The following NCOA3 variants were observed in gnomAD, a reference collection of about 807,000 sequenced individuals.
The protein encoded by NCOA3 is CBP-interacting protein.
Under a neutral mutation model 158.8 loss-of-function variants are expected in NCOA3, and 51 were observed. That is an observed-to-expected ratio of 0.32 (90% CI 0.26 to 0.41). The LOEUF (loss-of-function observed/expected upper bound fraction) is 0.41, where lower values mean the gene tolerates loss of function less well. NCOA3 is among the 10% of genes least tolerant of loss of function. The pLI is 1.00. For missense variants in NCOA3, 1,510 were observed against 1,746.6 expected (o/e 0.86, Z 2.41); for synonymous variants, 537 against 592.4 (o/e 0.91, Z 1.36).
At chr20:47,637,886 A>T in intron 13 of NCOA3, 103 bp downstream of exon 13, 3 of 1,021,158 alleles carry the variant, frequency 2.9e-6, no homozygotes, top group Non-Finnish European at 4.1e-6. Context: ...AGCATTTATA[A>T]CTTCAGAACA....
At chr20:47,529,363 C>T (rs908591661) in intron 1 of NCOA3, among the ~76,000 whole-genome samples, 1 of 152,132 alleles carries the variant, frequency 6.6e-6, no homozygotes. Flanking sequence ...AGGTGATCCA[C>T]CCACCTTGGC....
At chr20:47,533,104 C>CAAAAAAAAA (rs11344209) in intron 1 of NCOA3, among the ~76,000 whole-genome samples, 1 of 39,716 alleles carries the variant, frequency 2.5e-5, no homozygotes, top group Non-Finnish European at 4.3e-5. Context: ...GACTCTGTCT[C>CAAAAAAAAA]AAAAAAAAAA....
chr20:47,526,431 G>A (rs1024505714), intron 1 of NCOA3, among the ~76,000 whole-genome samples: 17 of 152,286 alleles, frequency 1.1e-4, no homozygotes, highest in African/African-American at 3.6e-4. Context: ...GGAGGTTGTA[G>A]CGAGCCGAGA....
chr20:47,592,097 C>A (rs1380735492), intron 2 of NCOA3, among the ~76,000 whole-genome samples: 1 of 152,164 alleles, frequency 6.6e-6, no homozygotes, highest in African/African-American at 2.4e-5. Context: ...GGCTGGAGTG[C>A]AGTGGTGCTC....
Position 47,622,218 on chromosome 20 carries a change from T to C in NCOA3, c.-19-11T>C. The C allele has an allele frequency of 1.4e-6, 2 of 1,387,288 alleles. No homozygotes were observed. Among genetic ancestry groups the C allele is most frequent in the Non-Finnish European group, 2.0e-6 (2 of 982,906 alleles). 85.9% of individuals were successfully genotyped at this position (1,387,288 alleles called of 1,614,324 possible). On this transcript the variant is annotated splice_polypyrimidine_tract_variant and intron_variant, in intron 2 of 22. Transcript: ENST00000371998. Reference sequence around the variant, plus strand: ...AATGTACTTATCTTATTTCTCATTATTCTCTCTTAGTTGCTGATGTATATT... The same window carrying C: ...AATGTACTTATCTTATTTCTCATTACTCTCTCTTAGTTGCTGATGTATATT...
intron 1 of NCOA3, among the ~76,000 whole-genome samples, chr20:47,505,800 CTTT>C (rs11434305): frequency 4.2e-5 from 5 of 119,154 alleles, no homozygotes; most frequent in Non-Finnish European, 5.0e-5. Context: ...GCATTTTCTC[CTTT>C]TTTTTTTTTT....
At position 47,610,198 on chromosome 20, in the gene NCOA3, C is replaced by T. The variant is rs143748454; in HGVS notation, c.-19-12031C>T. Among the ~76,000 whole-genome samples, 406 of 152,216 alleles carry T rather than the reference C, an allele frequency of 2.7e-3. 1 individual carries two copies. Among genetic ancestry groups the T allele is most frequent in the African/African-American group, 9.4e-3 (389 of 41,520 alleles). ...AAAAGACAAATTCTATTATCAGACA[C>T]ATAACTTCTAGGGATATGGAAACTA... On this transcript the variant is annotated intron_variant, in intron 2 of 22. Transcript: ENST00000371998.
At chr20:47,509,425 A>C (rs1188589014) in intron 1 of NCOA3, among the ~76,000 whole-genome samples, 7 of 152,170 alleles carry the variant, frequency 4.6e-5, no homozygotes, top group African/African-American at 1.7e-4. Context: ...ACTTCATCAC[A>C]GTATATGCTA....
chr20:47,654,631 C>G lies in NCOA3; in HGVS notation c.*1214C>G, dbSNP rs1197779328. On this transcript the variant is annotated 3_prime_UTR_variant, in exon 23 of 23. Coordinates refer to ENST00000371998, the MANE Select transcript of NCOA3 (RefSeq NM_181659.3). ...TTAGATGCCTCGCTCTTTTCAATCTCTTAATCTAAATGCTTTTTAAAGAGA... is the reference window on the plus strand; with the variant it reads ...TTAGATGCCTCGCTCTTTTCAATCTGTTAATCTAAATGCTTTTTAAAGAGA... The G allele has an allele frequency of 2.0e-5, 3 of 152,438 alleles. No individual in the cohort carries two copies. The highest frequency in any genetic ancestry group is 2.9e-5 in the Non-Finnish European group (2 of 68,026). 9.4% of individuals were successfully genotyped at this position (152,438 alleles called of 1,614,324 possible).
chr20:47,543,650 C>G (rs988306454), intron 1 of NCOA3, among the ~76,000 whole-genome samples: 1 of 152,054 alleles, frequency 6.6e-6, no homozygotes, highest in Non-Finnish European at 1.5e-5. Context: ...GCTGGGACTA[C>G]TGGTGCGCAC....
intron 1 of NCOA3, among the ~76,000 whole-genome samples, chr20:47,574,619 A>G (rs904386907): frequency 6.6e-6 from 1 of 152,204 alleles, no homozygotes; most frequent in African/African-American, 2.4e-5. Context: ...TATTTTCCAA[A>G]ATAGGCTTTT....
Position 47,651,464 on chromosome 20 carries a change from T to C in NCOA3, c.3946+188T>C, listed in dbSNP as rs528165642. Reference sequence around the variant, plus strand: ...AGCACACAGGTAATTGAGACAGGTGTATCCTGTCATAGTTGAATATTTTTT... The same window carrying C: ...AGCACACAGGTAATTGAGACAGGTGCATCCTGTCATAGTTGAATATTTTTT... On this transcript the variant is annotated intron_variant, in intron 20 of 22. Coordinates refer to ENST00000371998, the MANE Select transcript of NCOA3 (RefSeq NM_181659.3). Among the ~76,000 whole-genome samples, 12 of 152,312 alleles carry C rather than the reference T, an allele frequency of 7.9e-5. No individual in the cohort carries two copies. The East Asian group carries it at 2.1e-3, about 27-fold the overall frequency.
chr20:47,547,924 G>C (rs73308181), intron 1 of NCOA3, among the ~76,000 whole-genome samples: 1 of 150,778 alleles, frequency 6.6e-6, no homozygotes, highest in Admixed American at 6.6e-5. Context: ...TAAAGATGGG[G>C]TTTACCAAGT....
intron 1 of NCOA3, among the ~76,000 whole-genome samples, chr20:47,536,805 C>CTT (rs1227796813): frequency 1.4e-4 from 18 of 129,724 alleles, no homozygotes; most frequent in East Asian, 4.4e-4. Context: ...CTGTTTTTTT[C>CTT]TTTTTTTTTT....
chr20:47,526,721 G>A (rs2084458344), intron 1 of NCOA3, among the ~76,000 whole-genome samples: 1 of 152,204 alleles, frequency 6.6e-6, no homozygotes, highest in African/African-American at 2.4e-5. Context: ...GTACCGTCCA[G>A]CTTCGGCTCG....
intron 1 of NCOA3, among the ~76,000 whole-genome samples, chr20:47,519,878 C>T (rs2084298025): frequency 6.6e-6 from 1 of 151,968 alleles, no homozygotes; most frequent in African/African-American, 2.4e-5. Flanking sequence ...TCTCCTGCCT[C>T]AGCCTCCCAA....
chr20:47,566,310 G>T (rs2085194297), intron 1 of NCOA3, among the ~76,000 whole-genome samples: 1 of 151,908 alleles, frequency 6.6e-6, no homozygotes. Flanking sequence ...TGGGGCTATT[G>T]GACATAATGA....
intron 17 of NCOA3, among the ~76,000 whole-genome samples, chr20:47,644,803 T>C (rs950110324): frequency 6.6e-6 from 1 of 152,096 alleles, no homozygotes; most frequent in Non-Finnish European, 1.5e-5. Context: ...GTTCAAGCGA[T>C]TCTCCTGCCT....
At chr20:47,514,695 GT>G (rs2084203125) in intron 1 of NCOA3, among the ~76,000 whole-genome samples, 1 of 118,296 alleles carries the variant, frequency 8.5e-6, no homozygotes, top group Non-Finnish European at 1.8e-5. Context: ...TTGTTTGTTT[GT>G]TTTGTTTTGT....
Sources: gnomAD v4.1 joint callset for allele counts (sites outside exome capture counted in the v4.1 genomes callset) on GRCh38, gnomAD v4.1.1 for gene constraint, MANE v1.5 for transcripts, NCBI Gene and HGNC (gene_info 2026-07-23, HGNC 2026-07-21) for gene names.